Variants in HAP1 observed in about 807,000 individuals in gnomAD.
HAP1 encodes huntingtin-associated protein 1.
Under a neutral mutation model 60.3 loss-of-function variants are expected in HAP1, and 59 were observed. The observed-to-expected ratio is 0.98, with a 90% CI of 0.79 to 1.22. HAP1 has a LOEUF of 1.22. Among genes scored for constraint, HAP1 ranks in the 50% most tolerant of loss-of-function variants. HAP1 has a pLI of 0.00. For synonymous variants in HAP1, 346 were observed against 330.6 expected (o/e 1.05, Z -0.50); for missense variants, 825 against 785.3 (o/e 1.05, Z -0.60).
At chr17:41,725,386 G>T (rs1448881261) in intron 10 of HAP1, among the ~76,000 whole-genome samples, 1 of 152,152 alleles carries the variant, frequency 6.6e-6, no homozygotes, top group Non-Finnish European at 1.5e-5. Context: ...TTATGTCCCT[G>T]ACCCTGCACG....
At position 41,732,267 on chromosome 17, in the gene HAP1, C is replaced by G. The variant is rs144726236; in HGVS notation, c.677G>C (p.Ser226Thr). 11 of 1,614,036 alleles carry G rather than the reference C, an allele frequency of 6.8e-6. No individual in the cohort carries two copies. The highest frequency in any genetic ancestry group is 9.3e-6 in the Non-Finnish European group (11 of 1,180,044). ...KQNSVLMEEN[S>T]KLEALLGSAK... ...TGAGCCCAGCAGGGCTTCCAGCTTG[C>G]TGTTCTCCTCCATCAAAACACTGTT... Residue 226 changes from serine to threonine, a missense_variant, in exon 3 of 11, where the codon AGC becomes ACC. Transcript: ENST00000347901.
chr17:41,731,961 G>C lies in HAP1; in HGVS notation c.872C>G (p.Ala291Gly), dbSNP rs1555591126. Reference sequence around the variant, plus strand: ...CAGCTTAGGGGCATCACAGGGATGAGCACACTGCAGGTCTTCCTCTGCTTC... The same window carrying C: ...CAGCTTAGGGGCATCACAGGGATGACCACACTGCAGGTCTTCCTCTGCTTC... ...EEEAEEDLQCAHPCDAPKLIS... is the reference protein window; with the variant it reads ...EEEAEEDLQCGHPCDAPKLIS... The change falls in exon 4 of 11, where the codon GCT becomes GGT. Residue 291 changes from alanine to glycine, a missense_variant. By Grantham distance (60) the Ala-to-Gly change is moderately conservative (BLOSUM62 0). Transcript: ENST00000347901. The C allele has an allele frequency of 1.0e-6, 1 of 990,616 alleles. No homozygotes were observed. 61.4% of individuals were successfully genotyped at this position (990,616 alleles called of 1,614,324 possible). A position where few individuals can be genotyped will look rare whatever the true frequency, so the allele number is the denominator to read the frequency against.
intron 7 of HAP1, 100 bp from the exon 8 acceptor site, chr17:41,727,936 G>T: frequency 1.3e-6 from 1 of 773,310 alleles, no homozygotes; most frequent in Non-Finnish European, 2.2e-6. Context: ...GTGAGTCCTT[G>T]GCAGCCCATG....
In HAP1 at chr17:41,732,726, A is replaced by G; in HGVS notation, c.542T>C (p.Leu181Pro). 6.2e-7 allele frequency: 1 copy of G among 1,611,270 alleles called. No homozygotes were observed. The highest frequency in any genetic ancestry group is 2.2e-5 in the East Asian group (1 of 44,874). The change falls in exon 2 of 11, where the codon CTG (leucine) becomes CCG (proline). Residue 181 changes from leucine (L) to proline (P), a missense_variant. Transcript: ENST00000347901. Reference protein sequence around the residue: ...QEDVKVMLYLLEELLPPVWES... With the variant: ...QEDVKVMLYLPEELLPPVWES... ...CAGGAAGGCAGTACACACCTCCTCCAGCAAATATAACATCACTTTGACGTC... is the reference window on the plus strand; with the variant it reads ...CAGGAAGGCAGTACACACCTCCTCCGGCAAATATAACATCACTTTGACGTC...
chr17:41,718,982 GTATTT>G (rs1241861481), downstream of HAP1, among the ~76,000 whole-genome samples: 1 of 152,010 alleles, frequency 6.6e-6, no homozygotes, highest in Non-Finnish European at 1.5e-5. Context: ...TTATTTGAAT[GTATTT>G]TATTTTTTTG....
At chr17:41,732,621 C>T (rs2143261211) in intron 2 of HAP1, 98 bp downstream of exon 2, 3 of 1,177,700 alleles carry the variant, frequency 2.5e-6, no homozygotes, top group South Asian at 2.4e-5. Flanking sequence ...TAACCTGGGG[C>T]CCCAGAGAGA....
chr17:41,718,382 C>G (rs1911066977), downstream of HAP1: 1 of 167,200 alleles, frequency 6.0e-6, no homozygotes, highest in Non-Finnish European at 1.3e-5. Context: ...GCCCTGTCCC[C>G]TCTCAGGGCT....
chr17:41,727,106 C>A lies in HAP1; in HGVS notation c.1314G>T (p.Glu438Asp), dbSNP rs868987747. The A allele has an allele frequency of 1.3e-6, 2 of 1,595,292 alleles. No homozygotes were observed. The highest frequency in any genetic ancestry group is 8.6e-7 in the Non-Finnish European group (1 of 1,166,968). ...LPGFQETLAE[E>D]LRTSLRRMIS... is the part of the protein sequence containing the mutation. ...TCATCCTCCTTAGAGACGTTCTGAG[C>A]TCCTCAGCCAGCGTCTCCTGGAAAC... Residue 438 changes from glutamate to aspartate, a missense_variant, in exon 9 of 11, where the codon GAG becomes GAT. By Grantham distance (45) the Glu-to-Asp change is conservative. Coordinates refer to ENST00000347901, the MANE Select transcript of HAP1 (RefSeq NM_177977.3).
In HAP1 at chr17:41,727,839, G is replaced by T. The variant is rs4796601; in HGVS notation, c.1201-3C>A. The T allele has an allele frequency of 5.7e-5, 91 of 1,593,176 alleles. 2 individuals are homozygous for T. The Middle Eastern group carries it at 1.3e-3, about 23-fold the overall frequency. ...AACTTTTCAGTCTCAGCCCCATACT[G>T]GAAGGACCCAAAACCAGTGAACCCC... On this transcript the variant is annotated splice_region_variant and splice_polypyrimidine_tract_variant and intron_variant, in intron 7 of 10. Transcript: ENST00000347901.
chr17:41,729,549 CAAAAAAAAAAAAAAAAA>C (rs1162563636), intron 6 of HAP1, among the ~76,000 whole-genome samples: 1 of 63,108 alleles, frequency 1.6e-5, no homozygotes, highest in East Asian at 3.8e-4. Flanking sequence ...GCCTCCTTCT[CAAAAAAAAAAAAAAAAA>C]AAAAAAAAAA....
chr17:41,723,901 A>G lies in HAP1; in HGVS notation c.*800T>C, dbSNP rs557275779. On this transcript the variant is annotated 3_prime_UTR_variant, in exon 11 of 11. Transcript: ENST00000347901. ...GATCTACCCCGGCTGTGTGGCCCCA[A>G]ACAAGTGTCCTTAGCTCTCTGAGCC... 1.3e-5 allele frequency: 2 copies of G among 152,434 alleles called. No individual in the cohort carries two copies. Among genetic ancestry groups the G allele is most frequent in the African/African-American group, 2.4e-5 (1 of 41,564 alleles). 9.4% of individuals were successfully genotyped at this position (152,434 alleles called of 1,614,324 possible).
In HAP1 at chr17:41,731,618, C is replaced by A; in HGVS notation, c.1002+20G>T. 15 of 1,601,584 alleles carry A rather than the reference C, an allele frequency of 9.4e-6. No individual in the cohort carries two copies. The highest frequency in any genetic ancestry group is 1.3e-5 in the Non-Finnish European group (15 of 1,168,566). ...TCAACACCCCCTGCTAGCAGGGACG[C>A]CCTCCTCCCCCATTCTCACCTCTTC... On this transcript the variant is annotated intron_variant, in intron 5 of 10. Coordinates refer to ENST00000347901, the MANE Select transcript of HAP1 (RefSeq NM_177977.3).
In HAP1 at chr17:41,724,704, T is replaced by A; in HGVS notation, c.1857A>T (p.Arg619=). ...ASRTSCRSSC[R] ...GGAGCTTATCCACCCTCTCTTTTCA[T>A]CGGCACGACGATCTGCAGCTTGTCC... is the stretch of plus-strand genomic sequence containing the variant. Residue 619 remains arginine (R), a synonymous_variant, in exon 11 of 11, where the codon CGA becomes CGT. Transcript: ENST00000347901. The A allele has an allele frequency of 6.3e-7, 1 of 1,586,364 alleles. No homozygotes were observed. The highest frequency in any genetic ancestry group is 8.6e-7 in the Non-Finnish European group (1 of 1,161,280).
downstream of HAP1, chr17:41,718,148 C>T: frequency 5.1e-6 from 2 of 391,462 alleles, no homozygotes; most frequent in Non-Finnish European, 1.1e-5. Flanking sequence ...AATTCAGGCT[C>T]ACACTGTCTA....
At chr17:41,725,682 AG>A (rs1488485649) in intron 10 of HAP1, among the ~76,000 whole-genome samples, 176 bp downstream of exon 10, 59 of 150,134 alleles carry the variant, frequency 3.9e-4, no homozygotes, top group African/African-American at 1.4e-3. Flanking sequence ...ACGGCCACCC[AG>A]GGGGCAAGAT....
chr17:41,732,791 A>G lies in HAP1; in HGVS notation c.477T>C (p.Cys159=). The change falls in exon 2 of 11, where the codon TGT becomes TGC. Residue 159 remains cysteine, a synonymous_variant. Transcript: ENST00000347901. ...AFIRELEEAL[C]PNLPPPVKKI... is the part of the protein sequence containing the mutation. ...TTTTGACTGGCGGAGGTAGGTTAGG[A>G]CACAGTGCTGCAGGAGGCGGCAGGT... 2.5e-6 allele frequency: 4 copies of G among 1,606,594 alleles called. No individual in the cohort carries two copies. Among genetic ancestry groups the G allele is most frequent in the Non-Finnish European group, 3.4e-6 (4 of 1,173,238 alleles).
intron 1 of HAP1, 38 bp downstream of exon 1, chr17:41,734,128 G>A (rs1162159392): frequency 6.6e-7 from 1 of 1,511,428 alleles, no homozygotes; most frequent in Non-Finnish European, 8.9e-7. Context: ...AGTTGCCCCA[G>A]TCCCCACCCG....
At chr17:41,731,850 A>G (rs3895104) in intron 4 of HAP1, 87 bp downstream of exon 4, 714,297 of 868,790 alleles carry the variant, frequency 0.82, 294,270 homozygotes, top group East Asian at 0.88. Context: ...CAACCCTGCC[A>G]GCAAGCACAT....
At chr17:41,731,410 C>T (rs41312301) in intron 6 of HAP1, 83 bp downstream of exon 6, 17,426 of 950,776 alleles carry the variant, frequency 0.018, 259 homozygotes, top group Non-Finnish European at 0.022. Flanking sequence ...GGGACTTGAA[C>T]TTGGATCTCC....
Sources: allele counts gnomAD v4.1 joint callset (sites outside exome capture counted in the v4.1 genomes callset), GRCh38; gene constraint gnomAD v4.1.1; transcripts MANE v1.5; gene names NCBI Gene and HGNC (gene_info 2026-07-23, HGNC 2026-07-21).